CYP4X1: variants seen among roughly 807,000 people sequenced by gnomAD.
CYP4X1 encodes the protein cytochrome P450 4X1.
Under a neutral mutation model 57.9 loss-of-function variants are expected in CYP4X1, and 44 were observed. The ratio of observed to expected loss-of-function variants is 0.76; its 90% confidence interval spans 0.60 to 0.98. The LOEUF (loss-of-function observed/expected upper bound fraction) is 0.98. Ranked by LOEUF, CYP4X1 falls within the 50% of genes least tolerant of loss-of-function variation. The pLI, the probability that CYP4X1 is intolerant of heterozygous loss-of-function variation, is 0.00. For missense variants in CYP4X1, 532 were observed against 623.9 expected, an observed-to-expected ratio of 0.85 and a Z score of 1.57; for synonymous variants, 227 against 228.6, an observed-to-expected ratio of 0.99 and a Z score of 0.06.
At position 47,050,027 on chromosome 1, in the gene CYP4X1, G is replaced by A. The variant is rs1569664769; in HGVS notation, c.1383G>A (p.Met461Ile). The A allele has an allele frequency of 6.2e-7, 1 of 1,613,976 alleles. No individual in the cohort carries two copies. The highest frequency in any genetic ancestry group is 8.5e-7 in the Non-Finnish European group (1 of 1,179,990). Reference sequence around the variant, plus strand: ...ACTGCATTGGGCAGGAGTTTGCCATGATTGAGTTAAAGGTAACCATTGCCT... The same window carrying A: ...ACTGCATTGGGCAGGAGTTTGCCATAATTGAGTTAAAGGTAACCATTGCCT... ...SRNCIGQEFA[M>I]IELKVTIALI... The change falls in exon 12 of 12, where the codon ATG becomes ATA. Residue 461 changes from methionine (M) to isoleucine (I), a missense_variant. Met to Ile is a conservative substitution (Grantham distance 10). Transcript: ENST00000371901.
chr1:47,017,349 G>C, the CYP4X1 span, among the ~76,000 whole-genome samples: 13 of 152,266 alleles, frequency 8.5e-5, no homozygotes, highest in South Asian at 1.2e-3. Context: ...TCAAATGAGA[G>C]GCATAAAAAC....
chr1:46,982,672 A>T, the CYP4X1 span, among the ~76,000 whole-genome samples: 1 of 152,354 alleles, frequency 6.6e-6, no homozygotes, highest in Non-Finnish European at 1.5e-5. Context: ...GCGTTCCAGT[A>T]ATGACACTTA....
chr1:46,967,563 G>A, the CYP4X1 span: 4 of 252,912 alleles, frequency 1.6e-5, no homozygotes, highest in African/African-American at 9.2e-5. Flanking sequence ...CAGAAGGGAG[G>A]ATAGCAGGTA....
the CYP4X1 span, among the ~76,000 whole-genome samples, chr1:46,962,909 G>GGACT: frequency 2.3e-3 from 350 of 152,254 alleles, no homozygotes; most frequent in African/African-American, 7.2e-3. Context: ...AGGTCTCTAA[G>GGACT]GACTTACTTT....
intron 1 of CYP4X1, 69 bp downstream of exon 1, chr1:47,024,063 C>A (rs1644034166): frequency 3.6e-5 from 54 of 1,514,854 alleles, no homozygotes; most frequent in Non-Finnish European, 4.8e-5. Flanking sequence ...GGAGCCCAGC[C>A]GGCAGAGAGA....
the CYP4X1 span, among the ~76,000 whole-genome samples, chr1:47,002,768 G>A: frequency 6.6e-6 from 1 of 152,164 alleles, no homozygotes; most frequent in Non-Finnish European, 1.5e-5. Flanking sequence ...CCTCAAACAC[G>A]GTTTATTGTC....
the CYP4X1 span, chr1:46,967,924 G>A: frequency 8.4e-6 from 4 of 476,570 alleles, no homozygotes; most frequent in South Asian, 1.9e-4. Flanking sequence ...TTATGAGCTG[G>A]AAATTCATGA....
At chr1:47,035,775 T>A in intron 4 of CYP4X1, 31 bp from the exon 5 acceptor site, 2 of 1,597,778 alleles carry the variant, frequency 1.3e-6, no homozygotes, top group Non-Finnish European at 1.7e-6. Flanking sequence ...ATGGTGGTGG[T>A]GATGATGTTG....
At chr1:47,010,676 C>T in the CYP4X1 span, among the ~76,000 whole-genome samples, 1 of 152,146 alleles carries the variant, frequency 6.6e-6, no homozygotes, top group Admixed American at 6.5e-5. Context: ...CGTCTCAGCC[C>T]AAAATCTCCT....
At position 47,035,938 on chromosome 1, in the gene CYP4X1, G is replaced by A; in HGVS notation, c.620+5G>A. 6.2e-7 allele frequency: 1 copy of A among 1,613,390 alleles called. No individual in the cohort carries two copies. Among genetic ancestry groups the A allele is most frequent in the Non-Finnish European group, 8.5e-7 (1 of 1,179,620 alleles). On this transcript the variant is annotated splice_donor_5th_base_variant and intron_variant, in intron 5 of 11. Transcript: ENST00000371901. ...GACCAACTGCCAGACAAACAGGTCA[G>A]TGGTGGGAGAGCAAAAAAGATATTT...
the CYP4X1 span, among the ~76,000 whole-genome samples, chr1:46,999,026 T>TTTTGTGTGTG: frequency 1.4e-5 from 2 of 143,328 alleles, no homozygotes; most frequent in East Asian, 4.1e-4. Flanking sequence ...CTTGCTTTCT[T>TTTTGTGTGTG]TGTGTGTGTG....
Position 47,030,130 on chromosome 1 carries a change from A to G in CYP4X1, c.318A>G (p.Thr106=), listed in dbSNP as rs1169769037. The change falls in exon 2 of 12, where the codon ACA becomes ACG. Residue 106 remains threonine (T), a splice_region_variant and synonymous_variant. Coordinates refer to ENST00000371901, the MANE Select transcript of CYP4X1 (RefSeq NM_178033.2). ...ATGCAAAGACACTTCTGAGCAGAACAGGTAAGAAGAGGGGGAAAGCTCTGG... is the reference window on the plus strand; with the variant it reads ...ATGCAAAGACACTTCTGAGCAGAACGGGTAAGAAGAGGGGGAAAGCTCTGG... ...PDYAKTLLSR[T]DPKSQYLQKF... The G allele has an allele frequency of 6.2e-7, 1 of 1,609,650 alleles. No homozygotes were observed. The highest frequency in any genetic ancestry group is 1.1e-5 in the South Asian group (1 of 90,536).
In CYP4X1 at chr1:47,023,783, C is replaced by A; in HGVS notation, c.-35C>A. 1 of 1,597,276 alleles carries A rather than the reference C, an allele frequency of 6.3e-7. No homozygotes were observed. Among genetic ancestry groups the A allele is most frequent in the South Asian group, 1.1e-5 (1 of 89,854 alleles). Reference sequence around the variant, plus strand: ...AGAAAGCCCACCCTCTCCCGCGCCCCAGGAAACCGCCGGCGTTCGGCGCTG... The same window carrying A: ...AGAAAGCCCACCCTCTCCCGCGCCCAAGGAAACCGCCGGCGTTCGGCGCTG... On this transcript the variant is annotated 5_prime_UTR_variant, in exon 1 of 12. Coordinates refer to ENST00000371901, the MANE Select transcript of CYP4X1 (RefSeq NM_178033.2).
chr1:46,985,556 A>G, the CYP4X1 span, among the ~76,000 whole-genome samples: 2 of 152,202 alleles, frequency 1.3e-5, no homozygotes, highest in Non-Finnish European at 2.9e-5. Flanking sequence ...CCTGATCCCC[A>G]TGTCTCCTGA....
chr1:46,968,689 G>T, the CYP4X1 span, among the ~76,000 whole-genome samples: 1 of 152,002 alleles, frequency 6.6e-6, no homozygotes, highest in Non-Finnish European at 1.5e-5. Flanking sequence ...CAGTGATTGA[G>T]TGAGTGAGTG....
At chr1:47,011,641 A>T in the CYP4X1 span, among the ~76,000 whole-genome samples, 643 of 152,306 alleles carry the variant, frequency 4.2e-3, 2 homozygotes, top group Non-Finnish European at 5.2e-3. Context: ...ATGGGAAAAA[A>T]TTTTTACAAT....
chr1:47,007,699 T>C, the CYP4X1 span, among the ~76,000 whole-genome samples: 6 of 152,038 alleles, frequency 3.9e-5, no homozygotes, highest in Non-Finnish European at 8.8e-5. Flanking sequence ...GACGAATGGC[T>C]AACTAGAATA....
At chr1:47,018,378 A>G in the CYP4X1 span, among the ~76,000 whole-genome samples, 1 of 152,180 alleles carries the variant, frequency 6.6e-6, no homozygotes, top group Non-Finnish European at 1.5e-5. Context: ...CCATTCAGTC[A>G]GTGCTGAAAC....
At chr1:46,968,844 C>T in the CYP4X1 span, among the ~76,000 whole-genome samples, 2 of 152,210 alleles carry the variant, frequency 1.3e-5, no homozygotes, top group Admixed American at 6.5e-5. Context: ...GTGTATGGGA[C>T]TTTACCCTCA....
Sources: allele counts gnomAD v4.1 joint callset (sites outside exome capture counted in the v4.1 genomes callset), GRCh38; gene constraint gnomAD v4.1.1; transcripts MANE v1.5; gene names NCBI Gene and HGNC (gene_info 2026-07-23, HGNC 2026-07-21).